Variants in ARHGAP21 observed in about 807,000 individuals in gnomAD.
The protein encoded by ARHGAP21 is Rho GTPase activating protein 21.
Under a neutral mutation model 164.6 loss-of-function variants are expected in ARHGAP21, and 38 were observed. The ratio of observed to expected loss-of-function variants is 0.23; its 90% confidence interval spans 0.18 to 0.30. ARHGAP21 has a LOEUF of 0.30. Ranked by LOEUF, ARHGAP21 falls within the 10% of genes least tolerant of loss-of-function variation. The probability of loss-of-function intolerance (pLI) is 1.00; values close to 1 mark genes in which losing one functional copy is unlikely to be tolerated. For synonymous variants in ARHGAP21, 766 were observed against 857.9 expected, an observed-to-expected ratio of 0.89 and a Z score of 1.87; for missense variants, 1,822 against 2,370.7, an observed-to-expected ratio of 0.77 and a Z score of 4.81.
At chr10:24,679,959 G>A (rs1484125045) in intron 2 of ARHGAP21, among the ~76,000 whole-genome samples, 1 of 151,704 alleles carries the variant, frequency 6.6e-6, no homozygotes, top group Non-Finnish European at 1.5e-5. Context: ...ACAGGCCCCA[G>A]TGTGTGATGT....
intron 8 of ARHGAP21, among the ~76,000 whole-genome samples, chr10:24,622,433 C>CATATAAATATATATAT (rs1834641784): frequency 2.2e-5 from 2 of 89,766 alleles, no homozygotes; most frequent in African/African-American, 8.1e-5. Context: ...ACTTAAAAAA[C>CATATAAATATATATAT]ATATATATAT....
chr10:24,587,169 A>G (rs937645851), intron 25 of ARHGAP21, among the ~76,000 whole-genome samples: 2 of 152,146 alleles, frequency 1.3e-5, no homozygotes, highest in Non-Finnish European at 2.9e-5. Flanking sequence ...AAATTTTTTA[A>G]GATGGAGTTT....
At position 24,640,666 on chromosome 10, in the gene ARHGAP21, T is replaced by C. The variant is rs79385946; in HGVS notation, c.269-5563A>G. 6.6e-3 allele frequency among the ~76,000 whole-genome samples: 1,002 copies of C among 152,276 alleles called. 4 individuals are homozygous for C. Among genetic ancestry groups the C allele is most frequent in the Non-Finnish European group, 0.011 (750 of 68,000 alleles). On this transcript the variant is annotated intron_variant, in intron 4 of 25. Coordinates refer to ENST00000396432, the MANE Select transcript of ARHGAP21 (RefSeq NM_020824.4). ...GAAATAAATAGCATATTGAAATTAA[T>C]ATCTATTTTTCAGATAAAAAATAAC...
chr10:24,608,151 CACTA>C (rs1336080343), intron 9 of ARHGAP21, among the ~76,000 whole-genome samples: 1 of 152,150 alleles, frequency 6.6e-6, no homozygotes, highest in Non-Finnish European at 1.5e-5. Context: ...TTAATGCCTT[CACTA>C]ACTGATTGTC....
At chr10:24,639,748 C>T (rs1836792578) in intron 4 of ARHGAP21, among the ~76,000 whole-genome samples, 1 of 152,256 alleles carries the variant, frequency 6.6e-6, no homozygotes, top group Non-Finnish European at 1.5e-5. Flanking sequence ...GAGATTGTGT[C>T]TAAAACCAAA....
chr10:24,590,826 GA>G, intron 24 of ARHGAP21: 1 of 982,458 alleles, frequency 1.0e-6, no homozygotes, highest in Non-Finnish European at 1.2e-6. Flanking sequence ...CCTGGCTCAA[GA>G]ATAAGAACTA....
At chr10:24,604,234 T>C (rs2076931936) in intron 12 of ARHGAP21, 78 bp downstream of exon 12, 4 of 952,650 alleles carry the variant, frequency 4.2e-6, no homozygotes, top group South Asian at 4.5e-5. Context: ...TATTTAAATA[T>C]TAAATGTCTA....
chr10:24,646,981 A>C (rs1004109178), intron 4 of ARHGAP21, among the ~76,000 whole-genome samples: 2 of 152,222 alleles, frequency 1.3e-5, no homozygotes, highest in Non-Finnish European at 2.9e-5. Flanking sequence ...GCAGAACATT[A>C]ATACTCCGCC....
At chr10:24,721,761 G>A (rs989083371) in intron 2 of ARHGAP21, 76 bp downstream of exon 2, 11 of 1,556,384 alleles carry the variant, frequency 7.1e-6, no homozygotes, top group African/African-American at 1.4e-5. Context: ...CCCCGTGGCC[G>A]GTAACCCCCA....
At chr10:24,628,983 T>TATATAG (rs58780222) in intron 7 of ARHGAP21, 1 of 11,200 alleles carries the variant, frequency 8.9e-5, no homozygotes, top group Non-Finnish European at 1.5e-4. Flanking sequence ...TATATATATA[T>TATATAG]TTTTTTTTTT....
In ARHGAP21 at chr10:24,721,989, T is replaced by C. The variant is rs920758740; in HGVS notation, c.-90A>G. The C allele has an allele frequency of 7.2e-7, 1 of 1,392,540 alleles. No homozygotes were observed. The highest frequency in any genetic ancestry group is 1.0e-6 in the Non-Finnish European group (1 of 990,748). The allele number at this position is 1,392,540 out of a possible 1,614,324, so 86.3% of individuals were successfully genotyped here. On this transcript the variant is annotated 5_prime_UTR_variant, in exon 2 of 26. Coordinates refer to ENST00000396432, the MANE Select transcript of ARHGAP21 (RefSeq NM_020824.4). The stretch of plus-strand genomic sequence containing the variant: ...CCACCACACACCCGAAGGGGAAGAA[T>C]TCCACAAGCAGGCTCCGAGGAGGGG...
At chr10:24,588,459 G>A (rs2076196405) in intron 25 of ARHGAP21, among the ~76,000 whole-genome samples, 3 of 116,808 alleles carry the variant, frequency 2.6e-5, no homozygotes, top group Non-Finnish European at 6.3e-5. Context: ...ATAAAAAGCT[G>A]GGCAAAAAGA....
intron 11 of ARHGAP21, among the ~76,000 whole-genome samples, 195 bp from the exon 12 acceptor site, chr10:24,604,543 C>T (rs1056318936): frequency 6.6e-6 from 1 of 151,870 alleles, no homozygotes; most frequent in Admixed American, 6.6e-5. Flanking sequence ...ATAATTAAAA[C>T]TTTCTTAATT....
chr10:24,688,491 T>C (rs1306043983), intron 2 of ARHGAP21, among the ~76,000 whole-genome samples: 1 of 152,206 alleles, frequency 6.6e-6, no homozygotes, highest in African/African-American at 2.4e-5. Flanking sequence ...CAAATTTTGG[T>C]GATCCAAACT....
At chr10:24,694,562 CAT>C (rs1306413806) in intron 2 of ARHGAP21, among the ~76,000 whole-genome samples, 2 of 152,196 alleles carry the variant, frequency 1.3e-5, no homozygotes, top group African/African-American at 4.8e-5. Context: ...GTATTTCACA[CAT>C]ATTTTAACAA....
rs373425971 is a variant in ARHGAP21, at chr10:24,619,896, C to G, written c.1999G>C (p.Val667Leu). 6.2e-7 allele frequency: 1 copy of G among 1,614,022 alleles called. No individual in the cohort carries two copies. The highest frequency in any genetic ancestry group is 8.5e-7 in the Non-Finnish European group (1 of 1,180,046). Residue 667 changes from valine to leucine, a missense_variant, in exon 9 of 26, where the codon GTA becomes CTA. By Grantham distance (32) the Val-to-Leu change is conservative. Coordinates refer to ENST00000396432, the MANE Select transcript of ARHGAP21 (RefSeq NM_020824.4). ...TGATCGGGGGCACTGTCAGTCCTTA[C>G]CCATGTCTGCTGATTCAACAGACTG... ...QNSLLNQQTW[V>L]RTDSAPDQQV...
chr10:24,612,725 G>C (rs1230456658), intron 9 of ARHGAP21, among the ~76,000 whole-genome samples: 2 of 152,060 alleles, frequency 1.3e-5, no homozygotes, highest in African/African-American at 2.4e-5. Context: ...TGTGGTGGCG[G>C]ACGCCTATAG....
intron 2 of ARHGAP21, among the ~76,000 whole-genome samples, chr10:24,691,684 T>A (rs893167730): frequency 1.3e-5 from 2 of 152,202 alleles, no homozygotes; most frequent in Non-Finnish European, 2.9e-5. Context: ...ACATAATGTA[T>A]TTCTGGAAAC....
intron 2 of ARHGAP21, among the ~76,000 whole-genome samples, chr10:24,704,293 T>TC (rs1444597231): frequency 1.2e-4 from 18 of 146,460 alleles, no homozygotes; most frequent in African/African-American, 4.0e-4. Flanking sequence ...TCTTTTCTTT[T>TC]TTTTTTTTTT....
Sources: gnomAD v4.1 joint callset for allele counts (sites outside exome capture counted in the v4.1 genomes callset) on GRCh38, gnomAD v4.1.1 for gene constraint, MANE v1.5 for transcripts, NCBI Gene and HGNC (gene_info 2026-07-23, HGNC 2026-07-21) for gene names.